RTL4: variants seen among roughly 807,000 people sequenced by gnomAD.
The protein encoded by RTL4 is retrotransposon Gag like 4.
RTL4 carries 4 observed loss-of-function variants against 5.3 expected under a neutral mutation model. The observed-to-expected ratio is 0.75, with a 90% CI of 0.37 to 1.72. The LOEUF (loss-of-function observed/expected upper bound fraction) is 1.72, where lower values mean the gene tolerates loss of function less well. RTL4 is among the 40% of genes most tolerant of loss of function. The probability of loss-of-function intolerance (pLI) is 0.04; values close to 1 mark genes in which losing one functional copy is unlikely to be tolerated. For missense variants in RTL4, 260 were observed against 227.1 expected (o/e 1.14, Z -0.93); for synonymous variants, 98 against 87.3 (o/e 1.12, Z -0.68).
At chrX:112,128,923 T>A in the RTL4 span, among the ~76,000 whole-genome samples, 2 of 111,225 alleles carry the variant, frequency 1.8e-5, no homozygotes, top group Admixed American at 1.9e-4. Context: ...ATAGGAGAAA[T>A]TTATAAATCA....
At chrX:112,231,420 T>C in the RTL4 span, among the ~76,000 whole-genome samples, 1 of 109,332 alleles carries the variant, frequency 9.1e-6, no homozygotes, top group Non-Finnish European at 1.9e-5. Context: ...ATGTCCTTTG[T>C]AGGGACATGG....
At chrX:112,313,850 G>A in the RTL4 span, among the ~76,000 whole-genome samples, 3 of 110,443 alleles carry the variant, frequency 2.7e-5, no homozygotes, top group South Asian at 1.2e-3. Flanking sequence ...GATGTCAAAA[G>A]GAAATTTAAG....
the RTL4 span, among the ~76,000 whole-genome samples, chrX:112,209,928 T>C: frequency 8.9e-6 from 1 of 111,848 alleles, no homozygotes; most frequent in Non-Finnish European, 1.9e-5. Context: ...AAGCCTCCGC[T>C]GTGATTCACC....
the RTL4 span, among the ~76,000 whole-genome samples, chrX:112,245,551 C>A: frequency 2.7e-5 from 3 of 111,811 alleles, no homozygotes; most frequent in African/African-American, 6.5e-5. Context: ...TCCATCAGGT[C>A]ATTTAAGGTC....
chrX:112,131,347 G>T, the RTL4 span, among the ~76,000 whole-genome samples: 10 of 110,245 alleles, frequency 9.1e-5, no homozygotes, highest in Non-Finnish European at 1.7e-4. Flanking sequence ...AATATTGCTT[G>T]GATATTTGGC....
At chrX:112,351,578 T>C in the RTL4 span, among the ~76,000 whole-genome samples, 2 of 108,131 alleles carry the variant, frequency 1.8e-5, no homozygotes, top group Non-Finnish European at 3.8e-5. Context: ...ATATTTAGGA[T>C]ACTTAGCTCT....
the RTL4 span, among the ~76,000 whole-genome samples, chrX:112,432,416 T>C: frequency 1.1e-5 from 1 of 94,161 alleles, no homozygotes; most frequent in Non-Finnish European, 2.1e-5. Flanking sequence ...TTTTAATGAT[T>C]GCCATTCTAA....
the RTL4 span, among the ~76,000 whole-genome samples, chrX:112,242,310 G>A: frequency 9.0e-6 from 1 of 111,630 alleles, no homozygotes; most frequent in African/African-American, 3.3e-5. Flanking sequence ...TCATGATATT[G>A]ATTCTTCCTA....
the RTL4 span, among the ~76,000 whole-genome samples, chrX:112,357,317 T>C: frequency 3.8e-3 from 417 of 110,902 alleles, 5 homozygotes; most frequent in African/African-American, 0.012. Context: ...CTGATTTGGA[T>C]CACCTGCTCA....
the RTL4 span, among the ~76,000 whole-genome samples, chrX:112,379,287 G>A: frequency 3.6e-5 from 4 of 111,849 alleles, no homozygotes; most frequent in African/African-American, 1.3e-4. Flanking sequence ...CTAAATCAAT[G>A]ACCACTGTAT....
the RTL4 span, among the ~76,000 whole-genome samples, chrX:112,443,030 C>A: frequency 9.0e-6 from 1 of 111,614 alleles, no homozygotes; most frequent in Non-Finnish European, 1.9e-5. Context: ...TCTAACTACT[C>A]TTTTATACTC....
the RTL4 span, among the ~76,000 whole-genome samples, chrX:112,178,587 A>C: frequency 8.9e-6 from 1 of 111,857 alleles, no homozygotes; most frequent in East Asian, 2.8e-4. Context: ...TAAAATACAT[A>C]GTTTTTAAAA....
At chrX:112,381,295 G>C in the RTL4 span, 32 of 1,207,493 alleles carry the variant, frequency 2.7e-5, no homozygotes, top group Non-Finnish European at 3.0e-5. Flanking sequence ...GCCCCAGAAG[G>C]CTCCTTCCAC....
chrX:112,178,075 A>G, the RTL4 span, among the ~76,000 whole-genome samples: 1 of 111,302 alleles, frequency 9.0e-6, no homozygotes, highest in African/African-American at 3.3e-5. Context: ...AGTGACTCTA[A>G]CATGTCTACT....
At chrX:112,408,691 A>G in the RTL4 span, among the ~76,000 whole-genome samples, 1 of 111,734 alleles carries the variant, frequency 8.9e-6, no homozygotes, top group South Asian at 3.8e-4. Flanking sequence ...GATTTAACCT[A>G]AAGAAGATTA....
chrX:112,380,600 T>C, the RTL4 span, among the ~76,000 whole-genome samples: 2 of 112,427 alleles, frequency 1.8e-5, no homozygotes, highest in Non-Finnish European at 3.8e-5. Flanking sequence ...ACTCAAAATA[T>C]TTCCGGGGCC....
At chrX:112,289,390 A>G in the RTL4 span, among the ~76,000 whole-genome samples, 1 of 112,603 alleles carries the variant, frequency 8.9e-6, no homozygotes, top group Non-Finnish European at 1.9e-5. Context: ...ATAAGACAAT[A>G]GATTTTGTCC....
the RTL4 span, among the ~76,000 whole-genome samples, chrX:112,392,752 C>T: frequency 9.0e-6 from 1 of 111,050 alleles, no homozygotes; most frequent in South Asian, 3.8e-4. Flanking sequence ...TGGAGAACAC[C>T]GATGGGGATA....
chrX:112,206,797 C>T, the RTL4 span, among the ~76,000 whole-genome samples: 312 of 111,901 alleles, frequency 2.8e-3, 2 homozygotes, highest in African/African-American at 9.5e-3. Flanking sequence ...ATCATATGCT[C>T]AAAACATAAT....
Sources: allele counts gnomAD v4.1 joint callset (sites outside exome capture counted in the v4.1 genomes callset), GRCh38; gene constraint gnomAD v4.1.1; transcripts MANE v1.5; gene names NCBI Gene and HGNC (gene_info 2026-07-23, HGNC 2026-07-21).